The following KDM5D variants were observed in gnomAD, a reference collection of about 807,000 sequenced individuals.
KDM5D encodes lysine demethylase 5D.
A neutral mutation model predicts 31.9 loss-of-function variants in KDM5D; 25 were observed. The observed-to-expected ratio is 0.78, with a 90% confidence interval of 0.57 to 1.09. KDM5D has a LOEUF of 1.09. Among genes scored for constraint, KDM5D ranks in the 50% least tolerant of loss-of-function variants. The probability of loss-of-function intolerance (pLI) is 0.00; values close to 1 mark genes in which losing one functional copy is unlikely to be tolerated. For missense variants in KDM5D, 366 were observed against 341.6 expected (o/e 1.07, Z -0.56); for synonymous variants, 146 against 122.3 (o/e 1.19, Z -1.28).
intron 15 of KDM5D, 21 bp from the exon 16 acceptor site, chrY:19,716,025 T>A: frequency 2.6e-6 from 1 of 390,490 alleles, no homozygotes; most frequent in Non-Finnish European, 3.6e-6. Context: ...TCAACCCACA[T>A]ATACTGTAAA....
chrY:19,733,570 G>C, intron 8 of KDM5D, among the ~76,000 whole-genome samples: 3 of 31,275 alleles, frequency 9.6e-5, no homozygotes. Flanking sequence ...TGACAAATCA[G>C]AATATTTATA....
intron 18 of KDM5D, among the ~76,000 whole-genome samples, chrY:19,711,359 G>GA (rs2045297055): frequency 3.0e-5 from 1 of 33,152 alleles, no homozygotes; most frequent in South Asian, 6.7e-4. Context: ...GCAGCAATGA[G>GA]AAAAAAGGTT....
At position 19,727,650 on chromosome Y, in the gene KDM5D, G is replaced by A. The variant is rs3212283; in HGVS notation, c.1371+4122C>T. 8.1e-4 allele frequency among the ~76,000 whole-genome samples: 27 copies of A among 33,278 alleles called. No individual in the cohort carries two copies. In the East Asian group the frequency reaches 0.018, roughly 22 times the overall value. The allele number at this position is 33,278 out of a possible 37,273, so 89.3% of individuals were successfully genotyped here. A position where few individuals can be genotyped will look rare whatever the true frequency, so the allele number is the denominator to read the frequency against. On this transcript the variant is annotated intron_variant, in intron 11 of 26. Coordinates refer to ENST00000317961, the MANE Select transcript of KDM5D (RefSeq NM_004653.5). ...GGGGTTGTAAAATGAGTAAAAATTTGTTGAGAAAACATCAAGCTATAATTA... is the reference window on the plus strand; with the variant it reads ...GGGGTTGTAAAATGAGTAAAAATTTATTGAGAAAACATCAAGCTATAATTA...
chrY:19,743,048 G>A, intron 3 of KDM5D, 114 bp downstream of exon 3: 1 of 176,751 alleles, frequency 5.7e-6, no homozygotes, highest in Non-Finnish European at 1.0e-5. Flanking sequence ...GGTGGAGTTC[G>A]GGTTCAAATT....
At chrY:19,738,873 T>C in intron 6 of KDM5D, among the ~76,000 whole-genome samples, 1 of 34,144 alleles carries the variant, frequency 2.9e-5, no homozygotes, top group Admixed American at 2.6e-4. Context: ...GCCAATCCCA[T>C]ACTTCTTATC....
Position 19,739,646 on chromosome Y carries a change from G to A in KDM5D, c.539C>T (p.Pro180Leu). 1 of 393,070 alleles carries A rather than the reference G, an allele frequency of 2.5e-6. No individual in the cohort carries two copies. The highest frequency in any genetic ancestry group is 3.6e-6 in the Non-Finnish European group (1 of 279,275). Residue 180 changes from proline to leucine, a missense_variant, in exon 6 of 27, where the codon CCG becomes CTG. Pro to Leu is a moderately conservative substitution (Grantham distance 98). Transcript: ENST00000317961. ...CTTATCTTTTACCTCATTGTCAAAC[G>A]GGTGTGTGTTACATTGCTAGAGAGA... ...GANHVQCNTH[P>L]FDNEVKDKEY...
intron 11 of KDM5D, chrY:19,722,288 C>T (rs2045399628): frequency 3.0e-5 from 1 of 33,150 alleles, no homozygotes; most frequent in Non-Finnish European, 7.4e-5. Context: ...AAAGGAAAGT[C>T]TCTTCAGTAT....
intron 5 of KDM5D, among the ~76,000 whole-genome samples, chrY:19,740,373 C>G: frequency 3.1e-5 from 1 of 32,002 alleles, no homozygotes; most frequent in Non-Finnish European, 7.6e-5. Context: ...TCGAGACTAT[C>G]CTGGCCAACA....
rs544669203 is a variant in KDM5D, at chrY:19,715,668, G to A, written c.2285C>T (p.Thr762Ile). 3.3e-5 allele frequency: 13 copies of A among 396,595 alleles called. No homozygotes were observed. The highest frequency in any genetic ancestry group is 2.1e-4 in the South Asian group (7 of 33,556). ...GGCCACTCGCACTTTGTTGGCCCAGGTGTCAAAAGACTCAGCCCGAATCTT... is the reference window on the plus strand; with the variant it reads ...GGCCACTCGCACTTTGTTGGCCCAGATGTCAAAAGACTCAGCCCGAATCTT... ...KLKIRAESFD[T>I]WANKVRVALE... Residue 762 changes from threonine to isoleucine, a missense_variant, in exon 17 of 27, where the codon ACC becomes ATC. Physicochemically the swap from Thr to Ile is moderately conservative, Grantham distance 89 (BLOSUM62 -1). Coordinates refer to ENST00000317961, the MANE Select transcript of KDM5D (RefSeq NM_004653.5).
chrY:19,716,940 G>A (rs1018779906), intron 13 of KDM5D, among the ~76,000 whole-genome samples: 1 of 33,313 alleles, frequency 3.0e-5, no homozygotes, highest in Non-Finnish European at 7.4e-5. Context: ...AGGGGTCCAC[G>A]AACAAGTGAA....
chrY:19,710,433 G>C lies in KDM5D; in HGVS notation c.2526C>G (p.Val842=). Residue 842 remains valine (V), a synonymous_variant, in exon 19 of 27, where the codon GTC becomes GTG. Coordinates refer to ENST00000317961, the MANE Select transcript of KDM5D (RefSeq NM_004653.5). ...TPQLTLTELR[V]LLEQMGSLPC... Reference sequence around the variant, plus strand: ...GCAGGCTGCCCATCTGCTCAAGAAGGACCCGGAGTTCAGTCAAGGTCAGCT... The same window carrying C: ...GCAGGCTGCCCATCTGCTCAAGAAGCACCCGGAGTTCAGTCAAGGTCAGCT... 5.2e-6 allele frequency: 2 copies of C among 388,281 alleles called. No homozygotes were observed. The highest frequency in any genetic ancestry group is 7.2e-6 in the Non-Finnish European group (2 of 277,679).
At chrY:19,710,053 T>C in intron 19 of KDM5D, 1 of 351,090 alleles carries the variant, frequency 2.8e-6, no homozygotes, top group Non-Finnish European at 3.9e-6. Context: ...ATCTTATCCA[T>C]CTAGTAAGCT....
At chrY:19,715,237 G>A in intron 18 of KDM5D, 115 bp downstream of exon 18, 1 of 242,274 alleles carries the variant, frequency 4.1e-6, no homozygotes, top group African/African-American at 7.9e-5. Context: ...TGTCTCCTGG[G>A]TTCAAACAAT....
chrY:19,706,280 C>A lies in KDM5D; in HGVS notation c.4335G>T (p.Arg1445=). The change falls in exon 27 of 27, where the codon CGG becomes CGT. Residue 1445 remains arginine (R), a synonymous_variant. Transcript: ENST00000317961. ...CGTTTCTACCCTGATCCACCTTCTGCCGCCGCCGTCGCCTCTCCAGAGCCC... is the reference window on the plus strand; with the variant it reads ...CGTTTCTACCCTGATCCACCTTCTGACGCCGCCGTCGCCTCTCCAGAGCCC... ...RSRALERRRR[R]QKVDQGRNVE... is the part of the protein sequence containing the mutation. The A allele has an allele frequency of 2.5e-6, 1 of 395,351 alleles. No individual in the cohort carries two copies. The highest frequency in any genetic ancestry group is 3.5e-6 in the Non-Finnish European group (1 of 281,973).
Position 19,706,212 on chromosome Y carries a change from C to G in KDM5D, c.4403G>C (p.Arg1468Pro). 1 of 394,913 alleles carries G rather than the reference C, an allele frequency of 2.5e-6. No individual in the cohort carries two copies. The highest frequency in any genetic ancestry group is 3.6e-6 in the Non-Finnish European group (1 of 281,603). ...CACCTGAGACATAATCCCTGAGCTC[C>G]GAGCCCTTTTTGACTGAAGCTCCTG... ...VQQELQSKRA[R>P]SSGIMSQVGR... Residue 1468 changes from arginine (R) to proline (P), a missense_variant, in exon 27 of 27, where the codon CGG becomes CCG. Transcript: ENST00000317961.
At chrY:19,738,037 T>C (rs2124217264) in intron 6 of KDM5D, among the ~76,000 whole-genome samples, 2 of 32,858 alleles carry the variant, frequency 6.1e-5, no homozygotes, top group Non-Finnish European at 1.5e-4. Context: ...TGGGTCAGGC[T>C]GTTCTCGAAC....
rs750466932 is a variant in KDM5D at position 19,744,290 on chromosome Y, G to C, written c.150+95C>G. The C allele has an allele frequency of 1.0e-4, 23 of 222,852 alleles. No homozygotes were observed. In the East Asian group the frequency reaches 2.2e-3, roughly 21 times the overall value. The allele number at this position is 222,852 out of a possible 400,897, so 55.6% of individuals were successfully genotyped here. A position where few individuals can be genotyped will look rare whatever the true frequency, so the allele number is the denominator to read the frequency against. On this transcript the variant is annotated intron_variant, in intron 2 of 26. Transcript: ENST00000317961. Reference sequence around the variant, plus strand: ...GAGAAATTTGGTGCTAAGGGTTTCTGGTCATGAGTGTAAATAACGCCTCGC... The same window carrying C: ...GAGAAATTTGGTGCTAAGGGTTTCTCGTCATGAGTGTAAATAACGCCTCGC...
chrY:19,718,216 T>C (rs2045363008), intron 13 of KDM5D, among the ~76,000 whole-genome samples: 1 of 34,345 alleles, frequency 2.9e-5, no homozygotes, highest in Non-Finnish European at 7.3e-5. Context: ...TCTGGGTATA[T>C]ACCCAAAACT....
At chrY:19,735,195 A>G in intron 8 of KDM5D, among the ~76,000 whole-genome samples, 157 bp downstream of exon 8, 2 of 33,305 alleles carry the variant, frequency 6.0e-5, no homozygotes, top group Non-Finnish European at 1.5e-4. Flanking sequence ...TCTTGAAAAC[A>G]TTTCCTCCCA....
Sources: gnomAD v4.1 joint callset for allele counts (sites outside exome capture counted in the v4.1 genomes callset) on GRCh38, gnomAD v4.1.1 for gene constraint, MANE v1.5 for transcripts, NCBI Gene and HGNC (gene_info 2026-07-23, HGNC 2026-07-21) for gene names.